TDRD15: variants seen among roughly 807,000 people sequenced by gnomAD.
TDRD15 encodes the protein tudor domain-containing protein 15.
For synonymous variants in TDRD15, 503 were observed against 314.5 expected (o/e 1.60, Z -6.34); for missense variants, 1,416 against 904.7 (o/e 1.57, Z -7.25).
At chr2:21,124,384 A>T (rs1444400084) in intron 1 of TDRD15, among the ~76,000 whole-genome samples, 2 of 141,742 alleles carry the variant, frequency 1.4e-5, no homozygotes, top group Non-Finnish European at 3.1e-5. Flanking sequence ...CAGGGTGTGT[A>T]TGACACAGTG....
intron 1 of TDRD15, among the ~76,000 whole-genome samples, chr2:21,124,743 C>CGT (rs140124387): frequency 4.5e-3 from 240 of 53,464 alleles, no homozygotes; most frequent in Non-Finnish European, 7.6e-3. Context: ...GGTGTGTGTG[C>CGT]GTGTGTGTGT....
At chr2:21,127,485 A>C (rs1029968406) in intron 1 of TDRD15, 116 bp from the exon 2 acceptor site, 5 of 152,128 alleles carry the variant, frequency 3.3e-5, no homozygotes, top group African/African-American at 1.2e-4. Flanking sequence ...ATTTTTGCAT[A>C]TGGTCAGTTT....
intron 3 of TDRD15, among the ~76,000 whole-genome samples, chr2:21,137,087 A>G (rs1665821928): frequency 6.6e-6 from 1 of 152,020 alleles, no homozygotes; most frequent in South Asian, 2.1e-4. Context: ...GTCTCACAGG[A>G]GGAGAAGGAG....
chr2:21,145,359 A>C (rs1666014040), downstream of TDRD15, among the ~76,000 whole-genome samples: 1 of 152,022 alleles, frequency 6.6e-6, no homozygotes, highest in African/African-American at 2.4e-5. Flanking sequence ...TATTGGCACC[A>C]AACCATACAT....
Position 21,138,714 on chromosome 2 carries a change from C to G in TDRD15, c.1247C>G (p.Thr416Ser). 1 of 715,938 alleles carries G rather than the reference C, an allele frequency of 1.4e-6. No individual in the cohort carries two copies. Among genetic ancestry groups the G allele is most frequent in the Non-Finnish European group, 2.6e-6 (1 of 384,202 alleles). The allele number at this position is 715,938 out of a possible 1,614,324, so 44.3% of individuals were successfully genotyped here. A position where few individuals can be genotyped will look rare whatever the true frequency, so the allele number is the denominator to read the frequency against. The change falls in exon 4 of 4, where the codon ACT becomes AGT. Residue 416 changes from threonine to serine, a missense_variant. Transcript: ENST00000405799. ...STVNSKCLLK[T>S]VGTQVLCPMS... ...GTTAATTCTAAGTGTCTACTGAAGACTGTAGGCACACAAGTACTTTGTCCG... is the reference window on the plus strand; with the variant it reads ...GTTAATTCTAAGTGTCTACTGAAGAGTGTAGGCACACAAGTACTTTGTCCG...
chr2:21,147,306 C>T (rs138620639), downstream of TDRD15, among the ~76,000 whole-genome samples: 672 of 151,246 alleles, frequency 4.4e-3, 3 homozygotes, highest in Non-Finnish European at 7.3e-3. Context: ...GAGTAAGAGA[C>T]GATTTATGAG....
At position 21,142,928 on chromosome 2, in the gene TDRD15, T is replaced by C. The variant is rs1281440331; in HGVS notation, c.5461T>C (p.Phe1821Leu). The part of the protein sequence containing the change: ...CLVLVDYGFS[F>L]YIRYSEIINL... ...TGTGTTGGTTGACTATGGATTTTCT[T>C]TTTATATACGTTATTCAGAAATTAT... Residue 1821 changes from phenylalanine (F) to leucine (L), a missense_variant, in exon 4 of 4, where the codon TTT (phenylalanine) becomes CTT (leucine). Coordinates refer to ENST00000405799, the MANE Select transcript of TDRD15 (RefSeq NM_001306137.2). 1.4e-6 allele frequency: 1 copy of C among 696,778 alleles called. No individual in the cohort carries two copies. Among genetic ancestry groups the C allele is most frequent in the Non-Finnish European group, 2.6e-6 (1 of 378,898 alleles). The allele number at this position is 696,778 out of a possible 1,614,324, so 43.2% of individuals were successfully genotyped here. A position where few individuals can be genotyped will look rare whatever the true frequency, so the allele number is the denominator to read the frequency against.
chr2:21,139,606 G>C lies in TDRD15; in HGVS notation c.2139G>C (p.Leu713=). The C allele has an allele frequency of 1.4e-6, 1 of 715,142 alleles. No individual in the cohort carries two copies. The highest frequency in any genetic ancestry group is 2.6e-6 in the Non-Finnish European group (1 of 383,876). 44.3% of individuals were successfully genotyped at this position (715,142 alleles called of 1,614,324 possible). The part of the protein sequence containing the change: ...PKSKKYHSNN[L]VENNLSLPKS... ...CTAAAAAGTACCATTCAAATAACCT[G>C]GTGGAAAATAACTTGTCTTTGCCAA... Residue 713 remains leucine, a synonymous_variant, in exon 4 of 4, where the codon CTG becomes CTC. Coordinates refer to ENST00000405799, the MANE Select transcript of TDRD15 (RefSeq NM_001306137.2).
At position 21,140,019 on chromosome 2, in the gene TDRD15, C is replaced by T; in HGVS notation, c.2552C>T (p.Pro851Leu). 1 of 715,620 alleles carries T rather than the reference C, an allele frequency of 1.4e-6. No individual in the cohort carries two copies. Among genetic ancestry groups the T allele is most frequent in the Non-Finnish European group, 2.6e-6 (1 of 383,904 alleles). The allele number at this position is 715,620 out of a possible 1,614,324, so 44.3% of individuals were successfully genotyped here. Residue 851 changes from proline to leucine, a missense_variant, in exon 4 of 4, where the codon CCA (proline) becomes CTA (leucine). Pro to Leu is a moderately conservative substitution (Grantham distance 98). Coordinates refer to ENST00000405799, the MANE Select transcript of TDRD15 (RefSeq NM_001306137.2). ...ATTGAAGATCTTTGTGCAATTAACC[C>T]ACGTTTTCTCTTGTTAGAAAGCCAA... ...VLIEDLCAIN[P>L]RFLLLESQAF... is the part of the protein sequence containing the mutation.
At chr2:21,132,591 A>G (rs1184282532) in intron 2 of TDRD15, among the ~76,000 whole-genome samples, 5 of 152,060 alleles carry the variant, frequency 3.3e-5, no homozygotes, top group Non-Finnish European at 5.9e-5. Context: ...TGATGAAGAT[A>G]TTTGGCTTGA....
chr2:21,142,583 A>G lies in TDRD15; in HGVS notation c.5116A>G (p.Ile1706Val), dbSNP rs1340335492. Residue 1706 changes from isoleucine (I) to valine (V), a missense_variant, in exon 4 of 4, where the codon ATT becomes GTT. By Grantham distance (29) the Ile-to-Val change is conservative. Coordinates refer to ENST00000405799, the MANE Select transcript of TDRD15 (RefSeq NM_001306137.2). ...VEENKLRLAE[I>V]VYNIESKTPV... Reference sequence around the variant, plus strand: ...AGAAAACAAACTTAGACTTGCAGAAATTGTTTACAACATTGAATCTAAGAC... The same window carrying G: ...AGAAAACAAACTTAGACTTGCAGAAGTTGTTTACAACATTGAATCTAAGAC... 1.4e-6 allele frequency: 1 copy of G among 710,844 alleles called. No individual in the cohort carries two copies. The highest frequency in any genetic ancestry group is 1.5e-5 in the South Asian group (1 of 66,406). 44.0% of individuals were successfully genotyped at this position (710,844 alleles called of 1,614,324 possible).
chr2:21,132,737 TAGTA>T (rs1350458434), intron 2 of TDRD15, among the ~76,000 whole-genome samples: 14 of 152,202 alleles, frequency 9.2e-5, no homozygotes, highest in Non-Finnish European at 1.6e-4. Flanking sequence ...ATGTCTCCCT[TAGTA>T]AGATTAGAAA....
chr2:21,139,254 G>C lies in TDRD15; in HGVS notation c.1787G>C (p.Cys596Ser), dbSNP rs201486699. ...FCELPALAMC[C>S]SLAHIFPVED... The stretch of plus-strand genomic sequence containing the variant: ...GAGTTGCCTGCCTTAGCGATGTGCT[G>C]TTCACTTGCACATATATTTCCTGTT... Residue 596 changes from cysteine (C) to serine (S), a missense_variant, in exon 4 of 4, where the codon TGT (cysteine) becomes TCT (serine). Coordinates refer to ENST00000405799, the MANE Select transcript of TDRD15 (RefSeq NM_001306137.2). The C allele has an allele frequency of 2.8e-6, 2 of 715,194 alleles. No homozygotes were observed. Among genetic ancestry groups the C allele is most frequent in the East Asian group, 5.4e-5 (2 of 37,234 alleles). The allele number at this position is 715,194 out of a possible 1,614,324, so 44.3% of individuals were successfully genotyped here. A position where few individuals can be genotyped will look rare whatever the true frequency, so the allele number is the denominator to read the frequency against.
chr2:21,131,901 A>G (rs958899792), intron 2 of TDRD15, among the ~76,000 whole-genome samples: 18 of 152,152 alleles, frequency 1.2e-4, no homozygotes, highest in Non-Finnish European at 2.4e-4. Context: ...TGTCCTGAGA[A>G]CAAAGGTTTG....
At position 21,141,341 on chromosome 2, in the gene TDRD15, T is replaced by C; in HGVS notation, c.3874T>C (p.Tyr1292His). The C allele has an allele frequency of 1.4e-6, 1 of 715,876 alleles. No homozygotes were observed. The highest frequency in any genetic ancestry group is 1.7e-5 in the African/African-American group (1 of 57,256). The allele number at this position is 715,876 out of a possible 1,614,324, so 44.3% of individuals were successfully genotyped here. The change falls in exon 4 of 4, where the codon TAT becomes CAT. Residue 1292 changes from tyrosine to histidine, a missense_variant. Coordinates refer to ENST00000405799, the MANE Select transcript of TDRD15 (RefSeq NM_001306137.2). ...CAAAGACCTTCCTCAACCGCAAATT[T>C]ATTTGAATGCCAAAGTTAAAGGGTA... ...QIKDLPQPQI[Y>H]LNAKVKGYVS...
chr2:21,126,008 GTGTA>G (rs1381369398), intron 1 of TDRD15, among the ~76,000 whole-genome samples: 1 of 151,852 alleles, frequency 6.6e-6, no homozygotes, highest in Non-Finnish European at 1.5e-5. Context: ...GCATGTGTGT[GTGTA>G]TGTGTGTGTG....
chr2:21,126,229 T>C (rs1332140032), intron 1 of TDRD15, among the ~76,000 whole-genome samples: 1 of 152,218 alleles, frequency 6.6e-6, no homozygotes, highest in Non-Finnish European at 1.5e-5. Context: ...ATCACTGATC[T>C]TTCTGTTACT....
chr2:21,143,008 A>C lies in TDRD15; in HGVS notation c.5541A>C (p.Pro1847=). The change falls in exon 4 of 4, where the codon CCA becomes CCC. Residue 1847 remains proline, a synonymous_variant. Coordinates refer to ENST00000405799, the MANE Select transcript of TDRD15 (RefSeq NM_001306137.2). The part of the protein sequence containing the change: ...ELLNLPRLSY[P]CILYGILPAK... ...TGAATTTGCCAAGGCTGAGTTATCCATGTATTTTATATGGTATCTTACCTG... is the reference window on the plus strand; with the variant it reads ...TGAATTTGCCAAGGCTGAGTTATCCCTGTATTTTATATGGTATCTTACCTG... 1.4e-6 allele frequency: 1 copy of C among 700,556 alleles called. No individual in the cohort carries two copies. The highest frequency in any genetic ancestry group is 2.6e-6 in the Non-Finnish European group (1 of 379,734). The allele number at this position is 700,556 out of a possible 1,614,324, so 43.4% of individuals were successfully genotyped here. A position where few individuals can be genotyped will look rare whatever the true frequency, so the allele number is the denominator to read the frequency against.
At chr2:21,128,816 CTG>C (rs1252498492) in intron 2 of TDRD15, among the ~76,000 whole-genome samples, 4 of 148,132 alleles carry the variant, frequency 2.7e-5, no homozygotes, top group African/African-American at 1.0e-4. Context: ...TTTTTCTTCA[CTG>C]TCAGAGAAGA....
Sources: allele counts gnomAD v4.1 joint callset (sites outside exome capture counted in the v4.1 genomes callset), GRCh38; gene constraint gnomAD v4.1.1; transcripts MANE v1.5; gene names NCBI Gene and HGNC (gene_info 2026-07-23, HGNC 2026-07-21).